SGCD: variants seen among roughly 807,000 people sequenced by gnomAD.
SGCD encodes the protein delta-sarcoglycan.
A neutral mutation model predicts 36.6 loss-of-function variants in SGCD; 18 were observed. The observed-to-expected ratio is 0.49, with a 90% CI of 0.34 to 0.73. The LOEUF is 0.73. Ranked by LOEUF, SGCD falls within the 30% of genes least tolerant of loss-of-function variation. The pLI is 0.01. For missense variants in SGCD, 387 were observed against 346.7 expected (o/e 1.12, Z -0.92); for synonymous variants, 133 against 130.6 (o/e 1.02, Z -0.12).
intron 1 of SGCD, among the ~76,000 whole-genome samples, chr5:156,075,254 C>T (rs531888141): frequency 2.0e-5 from 3 of 151,590 alleles, no homozygotes; most frequent in South Asian, 2.1e-4. Context: ...TGTATACCTA[C>T]AGCATTGGAA....
intron 3 of SGCD, among the ~76,000 whole-genome samples, chr5:156,469,835 G>C (rs1267231343): frequency 6.6e-6 from 1 of 152,188 alleles, no homozygotes; most frequent in Non-Finnish European, 1.5e-5. Flanking sequence ...GTTTGACTCA[G>C]CTATGAGAAG....
chr5:156,278,733 C>T (rs534051812), intron 3 of SGCD, among the ~76,000 whole-genome samples: 37 of 152,236 alleles, frequency 2.4e-4, no homozygotes, highest in East Asian at 9.7e-4. Context: ...CTGCAGGATG[C>T]GCTATATAAC....
At chr5:156,452,488 C>T (rs1356093985) in intron 3 of SGCD, among the ~76,000 whole-genome samples, 6 of 152,232 alleles carry the variant, frequency 3.9e-5, no homozygotes, top group South Asian at 4.1e-4. Flanking sequence ...ACAAAGTACC[C>T]TCCTTAGGTT....
At chr5:156,169,791 G>T (rs924558158) in intron 3 of SGCD, among the ~76,000 whole-genome samples, 1 of 152,128 alleles carries the variant, frequency 6.6e-6, no homozygotes, top group African/African-American at 2.4e-5. Context: ...AGTGGGATTG[G>T]CTTGTTGGAA....
At chr5:156,131,316 A>G (rs1184610801) in intron 3 of SGCD, among the ~76,000 whole-genome samples, 1 of 152,214 alleles carries the variant, frequency 6.6e-6, no homozygotes, top group Non-Finnish European at 1.5e-5. Context: ...TGTATGACCA[A>G]TGACAAGTCA....
intron 3 of SGCD, among the ~76,000 whole-genome samples, chr5:156,445,198 A>C (rs75493479): frequency 0.012 from 1,762 of 152,168 alleles, 19 homozygotes; most frequent in Non-Finnish European, 0.018. Context: ...AGTGGTACAT[A>C]TCTTTTCATT....
chr5:156,504,316 C>T (rs916823167), intron 3 of SGCD, among the ~76,000 whole-genome samples: 1 of 150,350 alleles, frequency 6.7e-6, no homozygotes, highest in Admixed American at 6.6e-5. Flanking sequence ...GTATAATTCC[C>T]CCTAGAATTT....
At chr5:156,483,220 G>A (rs941636175) in intron 3 of SGCD, among the ~76,000 whole-genome samples, 1 of 152,166 alleles carries the variant, frequency 6.6e-6, no homozygotes, top group Non-Finnish European at 1.5e-5. Context: ...GAAGGTCAAT[G>A]TGGCTGAGGT....
chr5:156,351,831 T>C (rs918920637), intron 3 of SGCD, among the ~76,000 whole-genome samples: 6 of 152,120 alleles, frequency 3.9e-5, no homozygotes, highest in African/African-American at 9.7e-5. Context: ...ACCCAAGCAG[T>C]CTGACTATGG....
At chr5:156,316,017 GGAA>G (rs1767508820) in intron 3 of SGCD, among the ~76,000 whole-genome samples, 2 of 151,912 alleles carry the variant, frequency 1.3e-5, no homozygotes, top group Admixed American at 1.3e-4. Context: ...AAATCAGAAA[GGAA>G]GAAGTAGAAC....
chr5:156,011,504 G>A (rs1328399551), intron 1 of SGCD, among the ~76,000 whole-genome samples: 3 of 151,810 alleles, frequency 2.0e-5, no homozygotes, highest in Non-Finnish European at 4.4e-5. Context: ...GCAGTGTCGT[G>A]ATCTTGGCTC....
At chr5:156,444,064 T>TC (rs1491385216) in intron 3 of SGCD, among the ~76,000 whole-genome samples, 8 of 34,478 alleles carry the variant, frequency 2.3e-4, no homozygotes, top group Admixed American at 3.3e-4. Context: ...CTTTCTCTCC[T>TC]TCTCTCTCTC....
intron 6 of SGCD, among the ~76,000 whole-genome samples, chr5:156,626,175 C>G (rs1009868872): frequency 6.6e-6 from 1 of 152,126 alleles, no homozygotes; most frequent in East Asian, 1.9e-4. Context: ...GTTGAGAAGC[C>G]GTGGGCTAGA....
chr5:156,554,154 G>A (rs1561774750), intron 4 of SGCD, among the ~76,000 whole-genome samples: 2 of 152,040 alleles, frequency 1.3e-5, no homozygotes, highest in Non-Finnish European at 2.9e-5. Flanking sequence ...CCAGGAGTTT[G>A]AGACCAGCCT....
chr5:156,217,953 A>T (rs932709796), intron 3 of SGCD, among the ~76,000 whole-genome samples: 1 of 152,154 alleles, frequency 6.6e-6, no homozygotes, highest in Non-Finnish European at 1.5e-5. Context: ...CTCTAATATA[A>T]TTTTAATAAC....
intron 6 of SGCD, among the ~76,000 whole-genome samples, chr5:156,611,341 C>A (rs72801163): frequency 0.067 from 10,255 of 152,214 alleles, 376 homozygotes; most frequent in South Asian, 0.1. Flanking sequence ...GTGCAAAAGT[C>A]TTTTTTTCTC....
intron 3 of SGCD, among the ~76,000 whole-genome samples, chr5:156,297,651 G>A (rs1766930792): frequency 8.5e-6 from 1 of 118,324 alleles, no homozygotes; most frequent in African/African-American, 3.2e-5. Flanking sequence ...GGTGGGGGGA[G>A]GGGGGCGGGA....
intron 1 of SGCD, among the ~76,000 whole-genome samples, chr5:155,920,427 G>A (rs747217729): frequency 1.8e-4 from 28 of 152,104 alleles, no homozygotes; most frequent in Non-Finnish European, 3.2e-4. Flanking sequence ...GGAGTATGAT[G>A]TTTTCTTGTG....
At chr5:155,911,770 A>G (rs1289410315) in intron 1 of SGCD, among the ~76,000 whole-genome samples, 1 of 152,038 alleles carries the variant, frequency 6.6e-6, no homozygotes, top group African/African-American at 2.4e-5. Flanking sequence ...AAGGACTTAG[A>G]TCTGAGCCAT....
Sources: allele counts gnomAD v4.1 joint callset (sites outside exome capture counted in the v4.1 genomes callset), GRCh38; gene constraint gnomAD v4.1.1; transcripts MANE v1.5; gene names NCBI Gene and HGNC (gene_info 2026-07-23, HGNC 2026-07-21).